Variants in ZMYM1 observed in about 807,000 individuals in gnomAD.
ZMYM1 encodes zinc finger MYM-type containing 1, also known as zinc finger MYM-type protein 1.
A neutral mutation model predicts 60.0 loss-of-function variants in ZMYM1; 39 were observed. The observed-to-expected ratio is 0.65, with a 90% confidence interval of 0.50 to 0.85. ZMYM1 has a LOEUF of 0.85. Among genes scored for constraint, ZMYM1 ranks in the 40% least tolerant of loss-of-function variants. The probability of loss-of-function intolerance (pLI) is 0.00; values close to 1 mark genes in which losing one functional copy is unlikely to be tolerated. For synonymous variants in ZMYM1, 413 were observed against 454.0 expected (o/e 0.91, Z 1.15); for missense variants, 1,171 against 1,309.5 (o/e 0.89, Z 1.63).
rs1276461689 is a variant in ZMYM1 at position 35,114,996 on chromosome 1, C to T, written c.3166C>T (p.Gln1056Ter). 6.2e-7 allele frequency: 1 copy of T among 1,614,076 alleles called. No homozygotes were observed. Among genetic ancestry groups the T allele is most frequent in the Non-Finnish European group, 8.5e-7 (1 of 1,179,942 alleles). The change falls in exon 10 of 10, where the codon CAG (glutamine) becomes TAG (stop). Residue 1056 changes from glutamine (Q) to a stop codon, truncating the protein, a stop_gained. Transcript: ENST00000359858. LOFTEE classifies it low-confidence loss of function (END_TRUNC). ...CGTCAGTCTCGGCTGTTTGTTTATTCAGCATGGTCTTCACAGTAATATTCC... is the reference window on the plus strand; with the variant it reads ...CGTCAGTCTCGGCTGTTTGTTTATTTAGCATGGTCTTCACAGTAATATTCC... ...NFVSLGCLFI[Q>*]HGLHSNIPCL... is the part of the protein sequence containing the mutation.
chr1:35,061,419 CA>C (rs1228242363), intron 1 of ZMYM1, among the ~76,000 whole-genome samples: 2 of 152,186 alleles, frequency 1.3e-5, no homozygotes, highest in East Asian at 3.9e-4. Context: ...TTCTAGCAGC[CA>C]AAACATTATC....
At chr1:35,084,649 G>T (rs1235967148) in intron 1 of ZMYM1, among the ~76,000 whole-genome samples, 4 of 152,174 alleles carry the variant, frequency 2.6e-5, no homozygotes, top group Non-Finnish European at 5.9e-5. Context: ...CCTCTATCTT[G>T]CTGGTCTTAA....
chr1:35,110,195 C>G, intron 6 of ZMYM1, 99 bp from the exon 7 acceptor site: 2 of 921,300 alleles, frequency 2.2e-6, no homozygotes, highest in East Asian at 3.1e-5. Context: ...AATTGTTATT[C>G]TTTTTAATAT....
Position 35,114,274 on chromosome 1 carries a change from C to T in ZMYM1, c.2444C>T (p.Thr815Ile). ...SQSCWTVHDR[T>I]LLSVIDSLPE... ...TCATGTTGGACAGTCCATGATCGTA[C>T]ATTACTATCTGTGATTGACAGTCTT... Residue 815 changes from threonine (T) to isoleucine (I), a missense_variant, in exon 10 of 10, where the codon ACA becomes ATA. By Grantham distance (89) the Thr-to-Ile change is moderately conservative. Transcript: ENST00000359858. 1 of 1,613,798 alleles carries T rather than the reference C, an allele frequency of 6.2e-7. No homozygotes were observed. Among genetic ancestry groups the T allele is most frequent in the South Asian group, 1.1e-5 (1 of 91,054 alleles).
Position 35,104,700 on chromosome 1 carries a change from C to T in ZMYM1, c.738C>T (p.Ser246=), listed in dbSNP as rs772004917. The change falls in exon 6 of 10, where the codon TCC becomes TCT. Residue 246 remains serine (S), a synonymous_variant. Transcript: ENST00000359858. ...ACTGTTACACCAGCTCTAGTCTGTC[C>T]CACATACTTCAGATGGAAGGACAGT... ...GTYCYTSSSL[S]HILQMEGQSH... is the part of the protein sequence containing the mutation. The T allele has an allele frequency of 8.1e-6, 13 of 1,614,030 alleles. No individual in the cohort carries two copies. The highest frequency in any genetic ancestry group is 1.1e-5 in the Non-Finnish European group (13 of 1,180,030).
At chr1:35,110,595 A>G (rs971053827) in intron 7 of ZMYM1, 148 bp downstream of exon 7, 36 of 718,728 alleles carry the variant, frequency 5.0e-5, no homozygotes, top group Middle Eastern at 4.6e-4. Context: ...ACTGTTTTTC[A>G]GTATTTTTGT....
chr1:35,073,762 C>T (rs1342169072), intron 1 of ZMYM1, among the ~76,000 whole-genome samples: 2 of 151,836 alleles, frequency 1.3e-5, no homozygotes, highest in African/African-American at 4.8e-5. Context: ...TAGGAACTTC[C>T]CTCTTAAAAC....
At chr1:35,105,013 C>T (rs528158329) in intron 6 of ZMYM1, among the ~76,000 whole-genome samples, 39 of 151,920 alleles carry the variant, frequency 2.6e-4, no homozygotes, top group East Asian at 1.9e-3. Flanking sequence ...AGGCTGGAGC[C>T]GGTTTATAAA....
chr1:35,071,550 T>C (rs1642067437), intron 1 of ZMYM1, among the ~76,000 whole-genome samples: 1 of 151,822 alleles, frequency 6.6e-6, no homozygotes, highest in Admixed American at 6.6e-5. Context: ...CCCAGGCTGA[T>C]CTCTAACTCC....
intron 2 of ZMYM1, 23 bp downstream of exon 2, chr1:35,094,106 A>G: frequency 6.3e-7 from 1 of 1,589,286 alleles, no homozygotes. Context: ...CCTTATTTCC[A>G]TTATTTCTAG....
chr1:35,097,495 A>G lies in ZMYM1; in HGVS notation c.348A>G (p.Pro116=), dbSNP rs140465722. ...CTGCTCAACTTTTCTGCTCCATACC[A>G]TGCATCACTGAATACATTTCATCTG... ...KGSAQLFCSI[P]CITEYISSAS... The change falls in exon 4 of 10, where the codon CCA becomes CCG. Residue 116 remains proline, a synonymous_variant. Transcript: ENST00000359858. 6.1e-5 allele frequency: 99 copies of G among 1,614,202 alleles called. 1 individual carries two copies. The Middle Eastern group carries it at 6.6e-4, about 11-fold the overall frequency.
chr1:35,112,249 C>G, intron 9 of ZMYM1, 119 bp downstream of exon 9: 1 of 946,390 alleles, frequency 1.1e-6, no homozygotes, highest in East Asian at 2.6e-5. Context: ...GTGATCTCAG[C>G]TCACTGCAAC....
intron 1 of ZMYM1, among the ~76,000 whole-genome samples, chr1:35,073,250 CAAAAAA>C (rs71029061): frequency 0.025 from 1,744 of 69,238 alleles, 49 homozygotes; most frequent in African/African-American, 0.076. Context: ...AACACTCTGT[CAAAAAA>C]AAAAAAAAAA....
chr1:35,087,785 G>A (rs1211495268), intron 1 of ZMYM1, among the ~76,000 whole-genome samples: 1 of 152,140 alleles, frequency 6.6e-6, no homozygotes, highest in Non-Finnish European at 1.5e-5. Context: ...AATATGGGCC[G>A]AGGGCAGTGG....
At chr1:35,087,323 A>G (rs1642711277) in intron 1 of ZMYM1, among the ~76,000 whole-genome samples, 1 of 152,006 alleles carries the variant, frequency 6.6e-6, no homozygotes, top group Non-Finnish European at 1.5e-5. Flanking sequence ...AGTTTGAACC[A>G]TCAGGGTTAT....
chr1:35,072,464 G>T (rs779196366), intron 1 of ZMYM1, among the ~76,000 whole-genome samples: 61 of 151,682 alleles, frequency 4.0e-4, no homozygotes, highest in South Asian at 1.3e-3. Context: ...GGTTAGTCTA[G>T]CTAAAAGTTT....
rs1296039250 is a variant in ZMYM1, at chr1:35,110,288, A to G, written c.808-6A>G. On this transcript the variant is annotated splice_polypyrimidine_tract_variant and splice_region_variant and intron_variant, in intron 6 of 9. Transcript: ENST00000359858. ...GAATATGAATATTATTTTAATCTCT[A>G]AACAGAAACCTGCCAAACCACTTAT... 1.3e-6 allele frequency: 2 copies of G among 1,507,822 alleles called. No individual in the cohort carries two copies. Among genetic ancestry groups the G allele is most frequent in the Non-Finnish European group, 1.8e-6 (2 of 1,133,240 alleles). 93.4% of individuals were successfully genotyped at this position (1,507,822 alleles called of 1,614,324 possible).
In ZMYM1 at chr1:35,095,819, G is replaced by C. The variant is rs1643282616; in HGVS notation, c.97G>C (p.Glu33Gln). 1 of 1,580,108 alleles carries C rather than the reference G, an allele frequency of 6.3e-7. No homozygotes were observed. The highest frequency in any genetic ancestry group is 1.4e-5 in the African/African-American group (1 of 73,002). ...EIKTEPDNAQ[E>Q]YCHRQQSRTQ... ...ATTATTATTTTTTTTTTCTTTTTAG[G>C]AGTATTGTCATAGGCAACAGTCCAG... The change falls in exon 3 of 10, where the codon GAG (glutamate) becomes CAG (glutamine). Residue 33 changes from glutamate (E) to glutamine (Q), a missense_variant and splice_region_variant. Glu to Gln is a conservative substitution (Grantham distance 29). Transcript: ENST00000359858.
Position 35,115,437 on chromosome 1 carries a change from G to A in ZMYM1, c.*178G>A, listed in dbSNP as rs1436684382. On this transcript the variant is annotated 3_prime_UTR_variant, in exon 10 of 10. Coordinates refer to ENST00000359858, the MANE Select transcript of ZMYM1 (RefSeq NM_024772.5). The stretch of plus-strand genomic sequence containing the variant: ...CTTTTCCTTAAATATCCCTCTAGAG[G>A]TATTTTTCCTAAGTGGTATTGTACG... 1 of 660,072 alleles carries A rather than the reference G, an allele frequency of 1.5e-6. No individual in the cohort carries two copies. Among genetic ancestry groups the A allele is most frequent in the South Asian group, 2.3e-5 (1 of 43,240 alleles). 40.9% of individuals were successfully genotyped at this position (660,072 alleles called of 1,614,324 possible). A position where few individuals can be genotyped will look rare whatever the true frequency, so the allele number is the denominator to read the frequency against.
Sources: allele counts gnomAD v4.1 joint callset (sites outside exome capture counted in the v4.1 genomes callset), GRCh38; gene constraint gnomAD v4.1.1; transcripts MANE v1.5; gene names NCBI Gene and HGNC (gene_info 2026-07-23, HGNC 2026-07-21).